TMEM131: variants seen among roughly 807,000 people sequenced by gnomAD.
TMEM131 encodes transmembrane protein 131.
A neutral mutation model predicts 211.6 loss-of-function variants in TMEM131; 66 were observed. The observed-to-expected ratio is 0.31, with a 90% CI of 0.26 to 0.38. TMEM131 has a LOEUF of 0.38. TMEM131 is among the 10% of genes least tolerant of loss of function. TMEM131 has a pLI of 1.00. For missense variants in TMEM131, 2,036 were observed against 2,299.3 expected, an observed-to-expected ratio of 0.89 and a Z score of 2.34; for synonymous variants, 844 against 841.3, an observed-to-expected ratio of 1.00 and a Z score of -0.06.
intron 1 of TMEM131, among the ~76,000 whole-genome samples, chr2:97,953,592 A>G (rs1226049554): frequency 6.6e-6 from 1 of 152,204 alleles, no homozygotes; most frequent in Admixed American, 6.5e-5. Context: ...CTTCACTGTC[A>G]GCAACTGGTA....
intron 31 of TMEM131, among the ~76,000 whole-genome samples, chr2:97,781,064 ATCAT>A (rs2104839282): frequency 6.6e-6 from 1 of 152,226 alleles, no homozygotes; most frequent in East Asian, 1.9e-4. Context: ...AGGTCATGCA[ATCAT>A]TCGGGTCTGT....
At chr2:97,979,771 A>G (rs1456372257) in intron 1 of TMEM131, among the ~76,000 whole-genome samples, 1 of 152,160 alleles carries the variant, frequency 6.6e-6, no homozygotes, top group South Asian at 2.1e-4. Flanking sequence ...CTTATCATTC[A>G]TTTGTTCACC....
At chr2:97,804,789 A>G (rs1446327) in intron 22 of TMEM131, among the ~76,000 whole-genome samples, 52,558 of 151,938 alleles carry the variant, frequency 0.35, 10,010 homozygotes, top group Middle Eastern at 0.49. Flanking sequence ...ATGCAAATGG[A>G]TGAGTCTAAG....
intron 5 of TMEM131, among the ~76,000 whole-genome samples, chr2:97,848,214 G>A (rs1422430898): frequency 6.6e-6 from 1 of 152,090 alleles, no homozygotes; most frequent in Non-Finnish European, 1.5e-5. Context: ...AAGAATAGTT[G>A]TTTTCAACCA....
rs190692694 is a variant in TMEM131 at position 97,956,082 on chromosome 2, T to C, written c.188-28595A>G. ...GAAATTACTTTCCCCAATATTAAGGTAGAGTAAGAGTAAGGGTAGTATTAT... is the reference window on the plus strand; with the variant it reads ...GAAATTACTTTCCCCAATATTAAGGCAGAGTAAGAGTAAGGGTAGTATTAT... On this transcript the variant is annotated intron_variant, in intron 1 of 40. Transcript: ENST00000186436. 3.3e-5 allele frequency among the ~76,000 whole-genome samples: 5 copies of C among 152,176 alleles called. No individual in the cohort carries two copies. In the East Asian group the frequency reaches 5.8e-4, roughly 18 times the overall value.
chr2:97,814,350 ATGT>A lies in TMEM131; in HGVS notation c.1328_1330del (p.His443_Ile444delinsLeu). On this transcript the variant is annotated inframe_deletion, in exon 14 of 41. Coordinates refer to ENST00000186436, the MANE Select transcript of TMEM131 (RefSeq NM_015348.2). ...CACAGGATCAGCAGGGCTGTCTCGG[ATGT>A]GAAATAATGTTGCAGCATGATCAAA... 2 of 1,613,236 alleles carry A rather than the reference ATGT, an allele frequency of 1.2e-6. No individual in the cohort carries two copies. The highest frequency in any genetic ancestry group is 1.7e-6 in the Non-Finnish European group (2 of 1,179,586).
chr2:97,908,607 TC>T (rs1676167271), intron 3 of TMEM131, 50 bp downstream of exon 3: 1 of 1,369,212 alleles, frequency 7.3e-7, no homozygotes, highest in South Asian at 1.3e-5. Context: ...ACCACAGGAA[TC>T]CCCCAGAAGG....
chr2:97,767,216 T>C (rs1243803487), intron 33 of TMEM131, among the ~76,000 whole-genome samples: 1 of 152,156 alleles, frequency 6.6e-6, no homozygotes, highest in Non-Finnish European at 1.5e-5. Flanking sequence ...TTTTTATTGA[T>C]TTATTTAGAG....
intron 1 of TMEM131, among the ~76,000 whole-genome samples, chr2:97,949,324 CAGAA>C (rs1030163938): frequency 7.9e-5 from 12 of 152,058 alleles, no homozygotes; most frequent in Admixed American, 5.2e-4. Context: ...ATCTAAGTGA[CAGAA>C]AGCAGAAGAA....
intron 1 of TMEM131, among the ~76,000 whole-genome samples, chr2:97,954,023 G>A (rs1435967943): frequency 3.9e-5 from 6 of 152,212 alleles, no homozygotes; most frequent in East Asian, 1.9e-4. Flanking sequence ...AGTTCTGACC[G>A]AAACACTTAT....
rs1258522469 is a variant in TMEM131, at chr2:97,757,064, G to A, written c.*35C>T. The A allele has an allele frequency of 4.5e-6, 7 of 1,545,574 alleles. No homozygotes were observed. The highest frequency in any genetic ancestry group is 1.4e-5 in the African/African-American group (1 of 73,178). On this transcript the variant is annotated 3_prime_UTR_variant, in exon 41 of 41. Transcript: ENST00000186436. ...GAAACTGGCACATCATGATCTAGACGAGGGCCCACTATGTTTGTTTGTTTT... is the reference window on the plus strand; with the variant it reads ...GAAACTGGCACATCATGATCTAGACAAGGGCCCACTATGTTTGTTTGTTTT...
chr2:97,819,643 C>T (rs900411094), intron 11 of TMEM131, among the ~76,000 whole-genome samples: 1 of 152,156 alleles, frequency 6.6e-6, no homozygotes, highest in African/African-American at 2.4e-5. Flanking sequence ...AAATAATCTT[C>T]CTTTATGATT....
chr2:97,780,688 T>C (rs954446988), intron 31 of TMEM131, among the ~76,000 whole-genome samples: 34 of 152,090 alleles, frequency 2.2e-4, no homozygotes, highest in African/African-American at 7.7e-4. Flanking sequence ...AAAAACAGAA[T>C]TCAGAGGGAG....
At chr2:97,914,416 G>A (rs1417894207) in intron 2 of TMEM131, among the ~76,000 whole-genome samples, 1 of 152,136 alleles carries the variant, frequency 6.6e-6, no homozygotes, top group Non-Finnish European at 1.5e-5. Flanking sequence ...GTTTGTTCAT[G>A]TATTTAGTTC....
intron 38 of TMEM131, 184 bp downstream of exon 38, chr2:97,760,409 C>T: frequency 1.6e-6 from 1 of 626,592 alleles, no homozygotes; most frequent in South Asian, 2.0e-5. Flanking sequence ...GGGGAAGGCA[C>T]CGCAGCCGGC....
At chr2:97,961,173 A>G (rs746683194) in intron 1 of TMEM131, among the ~76,000 whole-genome samples, 11 of 152,036 alleles carry the variant, frequency 7.2e-5, no homozygotes, top group Non-Finnish European at 1.5e-4. Flanking sequence ...AAGTAAGGTT[A>G]TAGCACGTAA....
chr2:97,758,022 C>T (rs1009728481), intron 40 of TMEM131, among the ~76,000 whole-genome samples: 3 of 151,998 alleles, frequency 2.0e-5, no homozygotes, highest in Admixed American at 6.5e-5. Flanking sequence ...GTCCCAGCTA[C>T]TCAGGAGGCT....
At chr2:97,802,938 G>C in intron 22 of TMEM131, 148 bp from the exon 23 acceptor site, 3 of 682,004 alleles carry the variant, frequency 4.4e-6, no homozygotes, top group South Asian at 2.2e-5. Context: ...TACTATGCTT[G>C]TAATGCTATA....
intron 24 of TMEM131, 71 bp from the exon 25 acceptor site, chr2:97,802,032 C>A: frequency 9.9e-7 from 1 of 1,009,874 alleles, no homozygotes; most frequent in South Asian, 1.6e-5. Context: ...GAGTGATTAT[C>A]AGGTGTGTGC....
Sources: gnomAD v4.1 joint callset for allele counts (sites outside exome capture counted in the v4.1 genomes callset) on GRCh38, gnomAD v4.1.1 for gene constraint, MANE v1.5 for transcripts, NCBI Gene and HGNC (gene_info 2026-07-23, HGNC 2026-07-21) for gene names.